ST8SIA6: variants seen among roughly 807,000 people sequenced by gnomAD.
ST8SIA6 encodes the protein alpha-2,8-sialyltransferase 8F.
A neutral mutation model predicts 33.6 loss-of-function variants in ST8SIA6; 39 were observed. The observed-to-expected ratio is 1.16, with a 90% CI of 0.90 to 1.52. The LOEUF is 1.52. Among genes scored for constraint, ST8SIA6 ranks in the 40% most tolerant of loss-of-function variants. The probability of loss-of-function intolerance (pLI) is 0.00; values close to 1 mark genes in which losing one functional copy is unlikely to be tolerated. For missense variants in ST8SIA6, 441 were observed against 443.8 expected (o/e 0.99, Z 0.06); for synonymous variants, 172 against 167.2 (o/e 1.03, Z -0.22).
intron 2 of ST8SIA6, among the ~76,000 whole-genome samples, chr10:17,431,298 C>A (rs752239553): frequency 4.6e-5 from 7 of 152,102 alleles, no homozygotes; most frequent in East Asian, 1.9e-4. Flanking sequence ...AAAGTCAGGG[C>A]AGGTCTTTTG....
At chr10:17,335,698 T>C (rs904292084) in intron 4 of ST8SIA6, among the ~76,000 whole-genome samples, 3 of 152,206 alleles carry the variant, frequency 2.0e-5, no homozygotes, top group East Asian at 3.8e-4. Flanking sequence ...AAAAACATGA[T>C]ACTAAGTAGT....
At chr10:17,344,658 T>C (rs1848775151) in intron 4 of ST8SIA6, among the ~76,000 whole-genome samples, 1 of 152,184 alleles carries the variant, frequency 6.6e-6, no homozygotes, top group South Asian at 2.1e-4. Context: ...ATCTACACCT[T>C]TGGAAATTTT....
At chr10:17,433,587 G>A (rs1852165335) in intron 2 of ST8SIA6, among the ~76,000 whole-genome samples, 1 of 152,130 alleles carries the variant, frequency 6.6e-6, no homozygotes, top group African/African-American at 2.4e-5. Context: ...ATCCACCTCT[G>A]GAGTCCCTGG....
In ST8SIA6 at chr10:17,321,012, C is replaced by G. The variant is rs375835589; in HGVS notation, c.1063G>C (p.Val355Leu). The G allele has an allele frequency of 7.4e-6, 12 of 1,614,002 alleles. No homozygotes were observed. The highest frequency in any genetic ancestry group is 8.5e-6 in the Non-Finnish European group (10 of 1,179,968). Residue 355 changes from valine (V) to leucine (L), a missense_variant, in exon 8 of 8, where the codon GTC (valine) becomes CTC (leucine). Physicochemically the swap from Val to Leu is conservative, Grantham distance 32. Coordinates refer to ENST00000377602, the MANE Select transcript of ST8SIA6 (RefSeq NM_001004470.3). The part of the protein sequence containing the change: ...PFSKTVEDIP[V>L]SHHYYDNKLP... ...TTGTTGTCATAATAGTGATGGCTGA[C>G]AGGTATGTCTTCTACAGTTTTAGAG...
intron 3 of ST8SIA6, among the ~76,000 whole-genome samples, chr10:17,362,498 G>T (rs116363802): frequency 5.0e-4 from 76 of 152,188 alleles, no homozygotes; most frequent in African/African-American, 1.8e-3. Flanking sequence ...TTTTTAAAGA[G>T]TTCCCTGGAT....
At chr10:17,371,755 C>T (rs766258338) in intron 3 of ST8SIA6, among the ~76,000 whole-genome samples, 5 of 139,770 alleles carry the variant, frequency 3.6e-5, no homozygotes, top group African/African-American at 5.3e-5. Context: ...CATTGCACTC[C>T]AGCCTGGGTG....
chr10:17,374,071 C>CCACACACACACACA (rs58234998), intron 3 of ST8SIA6, among the ~76,000 whole-genome samples: 4 of 139,114 alleles, frequency 2.9e-5, no homozygotes, highest in East Asian at 4.1e-4. Context: ...TCAACAACCA[C>CCACACACACACACA]CACACACACA....
chr10:17,339,495 G>A (rs1848606548), intron 4 of ST8SIA6, among the ~76,000 whole-genome samples: 1 of 152,186 alleles, frequency 6.6e-6, no homozygotes, highest in African/African-American at 2.4e-5. Context: ...AAGCACAGCA[G>A]AAAGTCAAAG....
At chr10:17,409,550 T>A (rs1174425135) in intron 2 of ST8SIA6, 1 of 151,816 alleles carries the variant, frequency 6.6e-6, no homozygotes, top group Non-Finnish European at 1.5e-5. Context: ...TTGGGCAACA[T>A]AGCAAGACCC....
chr10:17,375,779 C>T (rs1849894655), intron 3 of ST8SIA6, among the ~76,000 whole-genome samples: 1 of 152,182 alleles, frequency 6.6e-6, no homozygotes, highest in Non-Finnish European at 1.5e-5. Flanking sequence ...ACATGCTGTT[C>T]CTTAGAAGAC....
intron 2 of ST8SIA6, among the ~76,000 whole-genome samples, chr10:17,393,040 C>G (rs1312907081): frequency 6.6e-6 from 1 of 152,234 alleles, no homozygotes; most frequent in Non-Finnish European, 1.5e-5. Flanking sequence ...AGCATCCAAT[C>G]TGCTGAGCAC....
At chr10:17,349,019 C>T (rs1848945577) in intron 4 of ST8SIA6, among the ~76,000 whole-genome samples, 2 of 152,112 alleles carry the variant, frequency 1.3e-5, no homozygotes, top group Non-Finnish European at 2.9e-5. Context: ...TTTGACCGGC[C>T]ATCTGGAAAG....
At chr10:17,423,322 G>A (rs1034766267) in intron 2 of ST8SIA6, among the ~76,000 whole-genome samples, 2 of 152,148 alleles carry the variant, frequency 1.3e-5, no homozygotes, top group Non-Finnish European at 2.9e-5. Context: ...GAATCCCCCA[G>A]AGTTGGTTTC....
At chr10:17,361,603 T>C (rs938435430) in intron 3 of ST8SIA6, among the ~76,000 whole-genome samples, 3 of 150,434 alleles carry the variant, frequency 2.0e-5, no homozygotes, top group Admixed American at 6.6e-5. Context: ...GGAATATTAA[T>C]ACCAATTGTA....
At chr10:17,333,696 TATATATATATATATATATATA>T (rs1292528411) in intron 4 of ST8SIA6, among the ~76,000 whole-genome samples, 20 of 24,742 alleles carry the variant, frequency 8.1e-4, no homozygotes, top group African/African-American at 2.5e-3. Flanking sequence ...TATATATATA[TATATATATATATATATATATA>T]TTTTTTTTTT....
chr10:17,326,681 G>C (rs1312644640), intron 6 of ST8SIA6, among the ~76,000 whole-genome samples: 1 of 152,146 alleles, frequency 6.6e-6, no homozygotes, highest in African/African-American at 2.4e-5. Flanking sequence ...GGTCAGGTGA[G>C]CCTGAGACAT....
At chr10:17,337,710 C>T (rs1243851177) in intron 4 of ST8SIA6, among the ~76,000 whole-genome samples, 2 of 152,150 alleles carry the variant, frequency 1.3e-5, no homozygotes, top group East Asian at 3.8e-4. Flanking sequence ...TCCCATCACC[C>T]CTAAAGTCAG....
At chr10:17,431,219 C>T (rs1227635660) in intron 2 of ST8SIA6, among the ~76,000 whole-genome samples, 2 of 152,118 alleles carry the variant, frequency 1.3e-5, no homozygotes, top group African/African-American at 2.4e-5. Context: ...GAGAACTAGC[C>T]GCTGAGGATG....
At chr10:17,412,918 C>A (rs1426904507) in intron 2 of ST8SIA6, among the ~76,000 whole-genome samples, 1 of 152,098 alleles carries the variant, frequency 6.6e-6, no homozygotes, top group East Asian at 1.9e-4. Context: ...ACAAATTATA[C>A]AAATGTATTA....
Sources: allele counts gnomAD v4.1 joint callset (sites outside exome capture counted in the v4.1 genomes callset), GRCh38; gene constraint gnomAD v4.1.1; transcripts MANE v1.5; gene names NCBI Gene and HGNC (gene_info 2026-07-23, HGNC 2026-07-21).